Variants in C12orf75 observed in about 807,000 individuals in gnomAD.
C12orf75 encodes chromosome 12 open reading frame 75.
A neutral mutation model predicts 11.4 loss-of-function variants in C12orf75; 4 were observed. The observed-to-expected ratio is 0.35, with a 90% CI of 0.17 to 0.80. C12orf75 has a LOEUF of 0.80. C12orf75 is among the 30% of genes least tolerant of loss of function. The probability of loss-of-function intolerance (pLI) is 0.52; values close to 1 mark genes in which losing one functional copy is unlikely to be tolerated. For missense variants in C12orf75, 89 were observed against 80.4 expected (o/e 1.11, Z -0.41); for synonymous variants, 30 against 30.0 (o/e 1.00, Z 0.00).
chr12:105,368,595 T>C (rs1170898198), intron 5 of C12orf75, among the ~76,000 whole-genome samples: 5 of 152,214 alleles, frequency 3.3e-5, no homozygotes, highest in Non-Finnish European at 5.9e-5. Flanking sequence ...ATCTAACCGT[T>C]GGCAGACCAA....
intron 1 of C12orf75, 91 bp downstream of exon 1, chr12:105,331,028 GC>G: frequency 1.2e-6 from 1 of 807,802 alleles, no homozygotes; most frequent in Non-Finnish European, 1.7e-6. Flanking sequence ...GGGGCGCGCA[GC>G]CCCCTCTCCC....
At chr12:105,342,270 A>G (rs1892584700) in intron 1 of C12orf75, among the ~76,000 whole-genome samples, 1 of 152,110 alleles carries the variant, frequency 6.6e-6, no homozygotes, top group African/African-American at 2.4e-5. Flanking sequence ...TCATAAATAA[A>G]CTGGGGGACG....
rs374901111 is a variant in C12orf75 at position 105,344,328 on chromosome 12, GC to G, written c.47-4272del. ...CATAGGGATCCGACTCCAGTCATCTGCCTTCTGATTCCACACTGTTCTTACC... is the reference window on the plus strand; with the variant it reads ...CATAGGGATCCGACTCCAGTCATCTGCTTCTGATTCCACACTGTTCTTACC... On this transcript the variant is annotated intron_variant, in intron 1 of 5. Transcript: ENST00000443585. 2.4e-4 allele frequency among the ~76,000 whole-genome samples: 36 copies of G among 152,270 alleles called. No homozygotes were observed. The East Asian group carries it at 4.8e-3, about 20-fold the overall frequency.
At chr12:105,349,118 A>T (rs1359477063) in intron 2 of C12orf75, among the ~76,000 whole-genome samples, 1 of 152,236 alleles carries the variant, frequency 6.6e-6, no homozygotes, top group African/African-American at 2.4e-5. Flanking sequence ...TTTAGAGCAC[A>T]GGGCATTTAA....
intron 2 of C12orf75, among the ~76,000 whole-genome samples, chr12:105,355,549 C>T (rs1288202280): frequency 2.0e-5 from 3 of 152,104 alleles, no homozygotes; most frequent in African/African-American, 7.2e-5. Flanking sequence ...CTTTGGTGCT[C>T]TGGGGACAGT....
At chr12:105,347,429 T>C (rs1456917745) in intron 1 of C12orf75, among the ~76,000 whole-genome samples, 1 of 152,188 alleles carries the variant, frequency 6.6e-6, no homozygotes, top group African/African-American at 2.4e-5. Flanking sequence ...CTTCAGTCTA[T>C]AGCTGAAGGC....
intron 2 of C12orf75, among the ~76,000 whole-genome samples, chr12:105,359,773 GA>G (rs34188320): frequency 0.025 from 2,045 of 83,244 alleles, 39 homozygotes; most frequent in African/African-American, 0.075. Flanking sequence ...TCCTTCTCCA[GA>G]AAAAAAAAAA....
At chr12:105,331,260 C>A (rs1024619684) in intron 1 of C12orf75, among the ~76,000 whole-genome samples, 1 of 151,892 alleles carries the variant, frequency 6.6e-6, no homozygotes, top group African/African-American at 2.4e-5. Context: ...GATTCCCGGA[C>A]GTGGTCCCCG....
chr12:105,351,774 G>T (rs1472185030), intron 2 of C12orf75, among the ~76,000 whole-genome samples: 1 of 152,218 alleles, frequency 6.6e-6, no homozygotes, highest in Non-Finnish European at 1.5e-5. Flanking sequence ...GTACAGTCTG[G>T]GCAGAAGTGA....
chr12:105,361,105 C>A (rs769644843), intron 2 of C12orf75, among the ~76,000 whole-genome samples: 38 of 152,120 alleles, frequency 2.5e-4, no homozygotes, highest in Non-Finnish European at 5.3e-4. Flanking sequence ...TCAACGTACC[C>A]TTTTCCCTCA....
intron 2 of C12orf75, among the ~76,000 whole-genome samples, chr12:105,357,012 C>A (rs1384771139): frequency 6.6e-6 from 1 of 152,136 alleles, no homozygotes; most frequent in African/African-American, 2.4e-5. Context: ...GCCCACCCAC[C>A]CCAAAGAGCA....
At chr12:105,359,385 C>A (rs562519281) in intron 2 of C12orf75, among the ~76,000 whole-genome samples, 3 of 152,238 alleles carry the variant, frequency 2.0e-5, no homozygotes, top group South Asian at 4.2e-4. Flanking sequence ...TGCTTCTCTC[C>A]CATTTTCCAG....
At chr12:105,354,296 G>C (rs1428313681) in intron 2 of C12orf75, among the ~76,000 whole-genome samples, 4 of 152,178 alleles carry the variant, frequency 2.6e-5, no homozygotes, top group Non-Finnish European at 5.9e-5. Context: ...TATAATAACT[G>C]TGCAGGGTGA....
intron 2 of C12orf75, among the ~76,000 whole-genome samples, chr12:105,364,749 G>A (rs1009354000): frequency 6.6e-6 from 1 of 151,180 alleles, no homozygotes; most frequent in African/African-American, 2.4e-5. Flanking sequence ...TTTCAGAAAA[G>A]CAACTTATGT....
chr12:105,346,186 C>T (rs1348239920), intron 1 of C12orf75, among the ~76,000 whole-genome samples: 3 of 152,110 alleles, frequency 2.0e-5, no homozygotes, highest in Non-Finnish European at 1.5e-5. Context: ...TTGAGTTGTC[C>T]CGGACCAAAC....
At chr12:105,354,340 C>T (rs778067026) in intron 2 of C12orf75, among the ~76,000 whole-genome samples, 1 of 152,154 alleles carries the variant, frequency 6.6e-6, no homozygotes, top group Non-Finnish European at 1.5e-5. Flanking sequence ...ACAGTAGTAG[C>T]TAATCTTTAC....
At chr12:105,359,611 A>G (rs919250262) in intron 2 of C12orf75, among the ~76,000 whole-genome samples, 1 of 151,970 alleles carries the variant, frequency 6.6e-6, no homozygotes, top group African/African-American at 2.4e-5. Context: ...TCTGTACTAA[A>G]AATACAAAAA....
At chr12:105,350,565 C>G (rs191420534) in intron 2 of C12orf75, among the ~76,000 whole-genome samples, 53 of 152,178 alleles carry the variant, frequency 3.5e-4, no homozygotes, top group Non-Finnish European at 7.3e-4. Context: ...TTTCCTGGCT[C>G]TCTGAGCTGC....
chr12:105,360,097 A>G (rs1422958505), intron 2 of C12orf75, among the ~76,000 whole-genome samples: 4 of 152,240 alleles, frequency 2.6e-5, no homozygotes, highest in African/African-American at 9.6e-5. Context: ...ACTGATCTGC[A>G]TTAGGACTGA....
Sources: gnomAD v4.1 joint callset for allele counts (sites outside exome capture counted in the v4.1 genomes callset) on GRCh38, gnomAD v4.1.1 for gene constraint, MANE v1.5 for transcripts, NCBI Gene and HGNC (gene_info 2026-07-23, HGNC 2026-07-21) for gene names.